XPO4: variants seen among roughly 807,000 people sequenced by gnomAD.
The protein encoded by XPO4 is exportin 4.
Under a neutral mutation model 143.0 loss-of-function variants are expected in XPO4, and 39 were observed. The ratio of observed to expected loss-of-function variants is 0.27; its 90% confidence interval spans 0.21 to 0.36. XPO4 has a LOEUF of 0.36. Among genes scored for constraint, XPO4 ranks in the 10% least tolerant of loss-of-function variants. The probability of loss-of-function intolerance (pLI) is 1.00; values close to 1 mark genes in which losing one functional copy is unlikely to be tolerated. For synonymous variants in XPO4, 439 were observed against 474.0 expected, an observed-to-expected ratio of 0.93 and a Z score of 0.96; for missense variants, 907 against 1,348.0, an observed-to-expected ratio of 0.67 and a Z score of 5.12.
At chr13:20,899,244 T>C (rs553664252) in intron 1 of XPO4, among the ~76,000 whole-genome samples, 3 of 151,866 alleles carry the variant, frequency 2.0e-5, no homozygotes, top group Non-Finnish European at 4.4e-5. Context: ...TCTAAATTGA[T>C]TGAATATAGA....
chr13:20,881,858 A>C (rs533249876), intron 1 of XPO4, among the ~76,000 whole-genome samples: 1 of 152,286 alleles, frequency 6.6e-6, no homozygotes, highest in South Asian at 2.1e-4. Context: ...CTGTAAGCCC[A>C]GCACTTTGGG....
rs2059166954 is a variant in XPO4, at chr13:20,783,751, T to G, written c.3427A>C (p.Asn1143His). The G allele has an allele frequency of 1.9e-6, 3 of 1,614,100 alleles. No homozygotes were observed. The highest frequency in any genetic ancestry group is 2.5e-6 in the Non-Finnish European group (3 of 1,180,034). ...FLKSLEEFMA[N>H]VGGLLCVK ...TTTACACAAAGGAGACCACCAACAT[T>G]TGCCATAAATTCTTCTAAACTCTTT... The change falls in exon 23 of 23, where the codon AAT (asparagine) becomes CAT (histidine). Residue 1143 changes from asparagine to histidine, a missense_variant. Asn to His is a moderately conservative substitution (Grantham distance 68). Transcript: ENST00000255305.
chr13:20,814,429 G>A (rs1357179396), intron 9 of XPO4, among the ~76,000 whole-genome samples: 2 of 152,158 alleles, frequency 1.3e-5, no homozygotes, highest in African/African-American at 4.8e-5. Context: ...CAACTCATTG[G>A]ATGGCAATTT....
In XPO4 at chr13:20,855,721, A is replaced by G; in HGVS notation, c.362T>C (p.Val121Ala). 3 of 1,608,764 alleles carry G rather than the reference A, an allele frequency of 1.9e-6. No homozygotes were observed. The highest frequency in any genetic ancestry group is 2.5e-6 in the Non-Finnish European group (3 of 1,178,860). The change falls in exon 4 of 23, where the codon GTA (valine) becomes GCA (alanine). Residue 121 changes from valine to alanine, a missense_variant. Val to Ala is a moderately conservative substitution (Grantham distance 64). Transcript: ENST00000255305. ...ATCTAATGATCCTCTTTTTACAATT[A>G]CTGCTACTGCTAGTAGAATCTGTTC... The part of the protein sequence containing the change: ...VREQILLAVA[V>A]IVKRGSLDKS...
chr13:20,788,199 G>A (rs1045403453), intron 20 of XPO4, among the ~76,000 whole-genome samples: 7 of 151,870 alleles, frequency 4.6e-5, no homozygotes, highest in Admixed American at 3.3e-4. Context: ...AGGATCACAG[G>A]CACCTGCCAC....
At chr13:20,792,723 CAAAAAAAAA>C (rs748612077) in intron 18 of XPO4, among the ~76,000 whole-genome samples, 1 of 98,086 alleles carries the variant, frequency 1.0e-5, no homozygotes. Flanking sequence ...CTCTGTCTCA[CAAAAAAAAA>C]AAAAAAAAAA....
At chr13:20,889,836 G>A (rs552545451) in intron 1 of XPO4, among the ~76,000 whole-genome samples, 1 of 151,796 alleles carries the variant, frequency 6.6e-6, no homozygotes, top group African/African-American at 2.4e-5. Flanking sequence ...GTGGGCAAAT[G>A]CTAAAGGTAG....
chr13:20,812,649 CA>C (rs1308176096), intron 9 of XPO4, among the ~76,000 whole-genome samples: 5 of 152,034 alleles, frequency 3.3e-5, no homozygotes, highest in Admixed American at 2.0e-4. Context: ...AGGAAGAGGA[CA>C]TTGGGGGAAA....
rs571890875 is a variant in XPO4, at chr13:20,831,635, T to C, written c.728-4456A>G. Among the ~76,000 whole-genome samples the C allele has an allele frequency of 2.4e-4, 37 of 152,242 alleles. 1 individual carries two copies. Among genetic ancestry groups the C allele is most frequent in the African/African-American group, 7.9e-4 (33 of 41,566 alleles). On this transcript the variant is annotated intron_variant, in intron 6 of 22. Coordinates refer to ENST00000255305, the MANE Select transcript of XPO4 (RefSeq NM_022459.5). The stretch of plus-strand genomic sequence containing the variant: ...TTATATTTTTATCAGAATAATTCAT[T>C]TGTAACCAAACAAAACACAATTCCA...
At chr13:20,801,491 T>C (rs1474843520) in intron 13 of XPO4, among the ~76,000 whole-genome samples, 2 of 152,198 alleles carry the variant, frequency 1.3e-5, no homozygotes, top group Non-Finnish European at 2.9e-5. Context: ...AATCCAATAT[T>C]TCCTAGTAAA....
At chr13:20,807,347 TC>T in intron 13 of XPO4, 109 bp downstream of exon 13, 1 of 1,114,630 alleles carries the variant, frequency 9.0e-7, no homozygotes, top group East Asian at 2.7e-5. Flanking sequence ...TTCATTTTTT[TC>T]ATGTATCAGA....
chr13:20,873,066 T>G (rs1217439952), intron 1 of XPO4, among the ~76,000 whole-genome samples: 1 of 138,426 alleles, frequency 7.2e-6, no homozygotes, highest in Admixed American at 7.7e-5. Flanking sequence ...CAATAGGAGG[T>G]GGTAGTAGAG....
rs559257268 is a variant in XPO4, at chr13:20,813,207, C to T, written c.1174-3240G>A. Among the ~76,000 whole-genome samples, 4 of 152,266 alleles carry T rather than the reference C, an allele frequency of 2.6e-5. No individual in the cohort carries two copies. The South Asian group carries it at 8.3e-4, about 32-fold the overall frequency. ...AATCACCCCCCACCAGGTCCCCGCCCCTGGCACGTGGGTATTACAAGATTA... is the reference window on the plus strand; with the variant it reads ...AATCACCCCCCACCAGGTCCCCGCCTCTGGCACGTGGGTATTACAAGATTA... On this transcript the variant is annotated intron_variant, in intron 9 of 22. Transcript: ENST00000255305.
chr13:20,865,372 A>C (rs1418900245), intron 2 of XPO4: 1 of 703,642 alleles, frequency 1.4e-6, no homozygotes, highest in East Asian at 1.3e-4. Context: ...CCCAACCTCA[A>C]GTGATCCACC....
chr13:20,851,296 C>T (rs1404497166), intron 4 of XPO4: 6 of 985,230 alleles, frequency 6.1e-6, no homozygotes, highest in Non-Finnish European at 7.2e-6. Context: ...ATATTTTTCA[C>T]ATTTAATGTT....
At chr13:20,849,489 A>T (rs902266428) in intron 4 of XPO4, 10 of 985,230 alleles carry the variant, frequency 1.0e-5, no homozygotes, top group Non-Finnish European at 1.2e-5. Context: ...TAAAATAAAA[A>T]ATTTTGCTAC....
At chr13:20,823,772 C>G (rs2059750033) in intron 7 of XPO4, among the ~76,000 whole-genome samples, 1 of 152,188 alleles carries the variant, frequency 6.6e-6, no homozygotes. Flanking sequence ...CTGCCTCAGT[C>G]TCCTGAGTAG....
chr13:20,842,301 A>G (rs2059984232), intron 6 of XPO4, among the ~76,000 whole-genome samples: 1 of 152,234 alleles, frequency 6.6e-6, no homozygotes, highest in African/African-American at 2.4e-5. Flanking sequence ...TATGAAATAC[A>G]AATTTCTCTA....
chr13:20,873,114 A>C (rs1490241914), intron 1 of XPO4, among the ~76,000 whole-genome samples: 1 of 151,542 alleles, frequency 6.6e-6, no homozygotes, highest in Non-Finnish European at 1.5e-5. Flanking sequence ...AAAAAAAAAA[A>C]AACAAGGATG....
Sources: allele counts gnomAD v4.1 joint callset (sites outside exome capture counted in the v4.1 genomes callset), GRCh38; gene constraint gnomAD v4.1.1; transcripts MANE v1.5; gene names NCBI Gene and HGNC (gene_info 2026-07-23, HGNC 2026-07-21).